NDUFA8: variants seen among roughly 807,000 people sequenced by gnomAD.
NDUFA8 encodes the protein NADH:ubiquinone oxidoreductase subunit A8.
Under a neutral mutation model 20.9 loss-of-function variants are expected in NDUFA8, and 16 were observed. The observed-to-expected ratio is 0.77, with a 90% CI of 0.52 to 1.16. The LOEUF is 1.16. NDUFA8 is among the 50% of genes most tolerant of loss of function. NDUFA8 has a pLI of 0.00. For synonymous variants in NDUFA8, 70 were observed against 76.1 expected (o/e 0.92, Z 0.41); for missense variants, 202 against 216.4 (o/e 0.93, Z 0.42).
downstream of NDUFA8, among the ~76,000 whole-genome samples, chr9:122,139,644 T>C (rs1016320799): frequency 5.3e-5 from 8 of 151,952 alleles, no homozygotes. Context: ...TGAGCAAGAG[T>C]GATAGTACTT....
At chr9:122,141,293 A>G (rs945621147), downstream of NDUFA8, among the ~76,000 whole-genome samples, 8 of 152,208 alleles carry the variant, frequency 5.3e-5, no homozygotes, top group African/African-American at 1.7e-4. Flanking sequence ...GCTTCTGAGT[A>G]GCAGAGGCAC....
chr9:122,152,553 TA>T, intron 1 of NDUFA8, 145 bp from the exon 2 acceptor site: 1 of 618,938 alleles, frequency 1.6e-6, no homozygotes, highest in Non-Finnish European at 2.5e-6. Flanking sequence ...GTCATAATAA[TA>T]ATTTTTTTTT....
At chr9:122,145,193 G>A (rs921580836) in intron 3 of NDUFA8, among the ~76,000 whole-genome samples, 26 of 152,350 alleles carry the variant, frequency 1.7e-4, no homozygotes, top group Middle Eastern at 3.4e-3. Flanking sequence ...CGGTTAACAG[G>A]TGCCACTGAA....
intron 3 of NDUFA8, among the ~76,000 whole-genome samples, chr9:122,147,848 G>T (rs957462167): frequency 6.6e-6 from 1 of 152,018 alleles, no homozygotes; most frequent in Non-Finnish European, 1.5e-5. Context: ...GGATGGTCTC[G>T]ATCTCCTGAC....
chr9:122,147,848 G>A (rs957462167), intron 3 of NDUFA8, among the ~76,000 whole-genome samples: 3 of 152,134 alleles, frequency 2.0e-5, no homozygotes, highest in South Asian at 4.2e-4. Flanking sequence ...GGATGGTCTC[G>A]ATCTCCTGAC....
chr9:122,138,243 C>T, the NDUFA8 span, among the ~76,000 whole-genome samples: 2 of 152,166 alleles, frequency 1.3e-5, no homozygotes, highest in Non-Finnish European at 2.9e-5. Context: ...AATTTGCATT[C>T]AACCCTCAAA....
At chr9:122,142,239 G>A (rs981187264), downstream of NDUFA8, among the ~76,000 whole-genome samples, 2 of 152,196 alleles carry the variant, frequency 1.3e-5, no homozygotes, top group Admixed American at 1.3e-4. Context: ...CATTTATTTT[G>A]AGAGTAGGGG....
intron 3 of NDUFA8, among the ~76,000 whole-genome samples, chr9:122,144,741 A>G (rs1828876437): frequency 6.6e-6 from 1 of 152,220 alleles, no homozygotes; most frequent in Non-Finnish European, 1.5e-5. Context: ...AGGACTGTGC[A>G]CATCTAACCC....
In NDUFA8 at chr9:122,159,728, GTC is replaced by G. The variant is rs748713851; in HGVS notation, c.-53_-52del. 4.3e-6 allele frequency: 7 copies of G among 1,613,012 alleles called. No homozygotes were observed. The highest frequency in any genetic ancestry group is 5.1e-6 in the Non-Finnish European group (6 of 1,179,528). ...AGAAGCCCTCAGCCGCGTCGCCCCC[GTC>G]TCCTTGAACTCCCCTTTCGACCGCC... On this transcript the variant is annotated 5_prime_UTR_variant, in exon 1 of 4. It removes the in-frame stop codon of an upstream open reading frame in the 5' UTR. Transcript: ENST00000373768.
At chr9:122,155,577 T>C (rs1158060276) in intron 1 of NDUFA8, among the ~76,000 whole-genome samples, 2 of 152,258 alleles carry the variant, frequency 1.3e-5, no homozygotes, top group African/African-American at 2.4e-5. Context: ...AATAAATTTA[T>C]GTTTAAAATC....
Position 122,144,168 on chromosome 9 carries a change from G to T in NDUFA8, c.*73C>A. On this transcript the variant is annotated 3_prime_UTR_variant, in exon 4 of 4. Coordinates refer to ENST00000373768, the MANE Select transcript of NDUFA8 (RefSeq NM_014222.3). ...TCCCGGAAAGAACACACTATCAGTC[G>T]ATGCAAACCGCATGGGCGTTTTCAT... is the stretch of plus-strand genomic sequence containing the variant. 6.2e-7 allele frequency: 1 copy of T among 1,610,994 alleles called. No individual in the cohort carries two copies. Among genetic ancestry groups the T allele is most frequent in the Non-Finnish European group, 8.5e-7 (1 of 1,179,522 alleles).
the NDUFA8 span, among the ~76,000 whole-genome samples, chr9:122,135,122 G>A: frequency 6.6e-6 from 1 of 152,188 alleles, no homozygotes; most frequent in Admixed American, 6.5e-5. Context: ...CTGGGGCTTT[G>A]TGTTCTGCCA....
Position 122,144,162 on chromosome 9 carries a change from T to A in NDUFA8, c.*79A>T, listed in dbSNP as rs1828862268. The A allele has an allele frequency of 6.2e-7, 1 of 1,610,334 alleles. No homozygotes were observed. The highest frequency in any genetic ancestry group is 8.5e-7 in the Non-Finnish European group (1 of 1,179,296). On this transcript the variant is annotated 3_prime_UTR_variant, in exon 4 of 4. Coordinates refer to ENST00000373768, the MANE Select transcript of NDUFA8 (RefSeq NM_014222.3). ...TTGTGATCCCGGAAAGAACACACTA[T>A]CAGTCGATGCAAACCGCATGGGCGT...
downstream of NDUFA8, chr9:122,143,928 G>A (rs562093604): frequency 1.1e-5 from 6 of 552,014 alleles, no homozygotes; most frequent in East Asian, 3.5e-4. Flanking sequence ...TTCTAACAGG[G>A]ATCCCCAGCC....
chr9:122,149,351 C>T (rs1255295286), intron 2 of NDUFA8, among the ~76,000 whole-genome samples: 1 of 152,210 alleles, frequency 6.6e-6, no homozygotes, highest in African/African-American at 2.4e-5. Context: ...GCATAACCTG[C>T]ACCCACATAA....
At chr9:122,137,238 CTTTTTTT>C in the NDUFA8 span, among the ~76,000 whole-genome samples, 3 of 106,588 alleles carry the variant, frequency 2.8e-5, no homozygotes, top group African/African-American at 3.8e-5. Context: ...TTTTCCTTTC[CTTTTTTT>C]TTTTTTTTTT....
At position 122,148,417 on chromosome 9, in the gene NDUFA8, C is replaced by T. The variant is rs139178610; in HGVS notation, c.216-140G>A. On this transcript the variant is annotated intron_variant, in intron 2 of 3. Coordinates refer to ENST00000373768, the MANE Select transcript of NDUFA8 (RefSeq NM_014222.3). ...TGAGTACATATTCTTATCTCACTTA[C>T]AAGACAACTTCAGGATCCTCAAGTT... 155 of 956,196 alleles carry T rather than the reference C, an allele frequency of 1.6e-4. 1 individual carries two copies. In the African/African-American group the frequency reaches 2.1e-3, roughly 13 times the overall value. The allele number at this position is 956,196 out of a possible 1,614,324, so 59.2% of individuals were successfully genotyped here.
Position 122,144,488 on chromosome 9 carries a change from T to C in NDUFA8, c.382-110A>G, listed in dbSNP as rs534183663. ...TCATTGCTCCCGCTGCTACAACTGC[T>C]CCCCGACTTAAATTCCCAGCAAATC... On this transcript the variant is annotated intron_variant, in intron 3 of 3. Transcript: ENST00000373768. 1,100 of 1,021,506 alleles carry C rather than the reference T, an allele frequency of 1.1e-3. 8 individuals carry two copies. Among genetic ancestry groups the C allele is most frequent in the Non-Finnish European group, 2.6e-4 (169 of 644,284 alleles). The allele number at this position is 1,021,506 out of a possible 1,614,324, so 63.3% of individuals were successfully genotyped here.
chr9:122,144,525 T>A, intron 3 of NDUFA8, 147 bp from the exon 4 acceptor site: 1 of 799,804 alleles, frequency 1.3e-6, no homozygotes, highest in Non-Finnish European at 2.2e-6. Context: ...CATTCAGACG[T>A]ATTTAATCAT....
Sources: allele counts gnomAD v4.1 joint callset (sites outside exome capture counted in the v4.1 genomes callset), GRCh38; gene constraint gnomAD v4.1.1; transcripts MANE v1.5; gene names NCBI Gene and HGNC (gene_info 2026-07-23, HGNC 2026-07-21).